The following NDFIP2 variants were observed in gnomAD, a reference collection of about 807,000 sequenced individuals.
The protein encoded by NDFIP2 is NEDD4 family-interacting protein 2.
NDFIP2 carries 19 observed loss-of-function variants against 36.0 expected under a neutral mutation model. The ratio of observed to expected loss-of-function variants is 0.53; its 90% CI spans 0.37 to 0.77. The LOEUF is 0.77. Ranked by LOEUF, NDFIP2 falls within the 30% of genes least tolerant of loss-of-function variation. NDFIP2 has a pLI of 0.00. For missense variants in NDFIP2, 446 were observed against 435.8 expected (o/e 1.02, Z -0.21); for synonymous variants, 181 against 167.7 (o/e 1.08, Z -0.61).
At chr13:79,528,288 A>G (rs1874877980) in intron 2 of NDFIP2, among the ~76,000 whole-genome samples, 1 of 152,126 alleles carries the variant, frequency 6.6e-6, no homozygotes, top group African/African-American at 2.4e-5. Flanking sequence ...TAAAAAATAG[A>G]AAAAAGATTG....
chr13:79,548,302 T>G, intron 5 of NDFIP2, 26 bp from the exon 6 acceptor site: 1 of 1,474,930 alleles, frequency 6.8e-7, no homozygotes, highest in Non-Finnish European at 9.4e-7. Context: ...ATGAATTCGG[T>G]TAATATATTT....
At chr13:79,503,198 T>C (rs1873732488) in intron 1 of NDFIP2, among the ~76,000 whole-genome samples, 1 of 152,160 alleles carries the variant, frequency 6.6e-6, no homozygotes, top group South Asian at 2.1e-4. Context: ...AAGTGGAGAC[T>C]GGTGGAATTG....
intron 5 of NDFIP2, 146 bp downstream of exon 5, chr13:79,543,828 G>A (rs1875552925): frequency 2.0e-6 from 2 of 991,920 alleles, no homozygotes; most frequent in Admixed American, 2.9e-5. Flanking sequence ...TCATTATAGT[G>A]AGCTCTGTGG....
chr13:79,540,129 A>G (rs560585303), intron 4 of NDFIP2, among the ~76,000 whole-genome samples: 1 of 152,200 alleles, frequency 6.6e-6, no homozygotes, highest in African/African-American at 2.4e-5. Context: ...AAATTGCACT[A>G]TTGGGGCAGA....
At chr13:79,533,256 A>G in intron 2 of NDFIP2, 67 bp from the exon 3 acceptor site, 1 of 1,480,672 alleles carries the variant, frequency 6.8e-7, no homozygotes, top group Non-Finnish European at 9.1e-7. Flanking sequence ...GTAAATTATT[A>G]AGTCATGGCT....
chr13:79,541,554 T>G (rs1352118859), intron 4 of NDFIP2, among the ~76,000 whole-genome samples: 1 of 152,024 alleles, frequency 6.6e-6, no homozygotes, highest in East Asian at 1.9e-4. Flanking sequence ...CTGTATTTCC[T>G]GATTTTTTTT....
At chr13:79,541,716 G>GA (rs1875464611) in intron 4 of NDFIP2, among the ~76,000 whole-genome samples, 2 of 151,998 alleles carry the variant, frequency 1.3e-5, no homozygotes, top group South Asian at 4.1e-4. Context: ...AAAAGGTCCA[G>GA]AAATAGATTT....
rs1043805159 is a variant in NDFIP2 at position 79,520,986 on chromosome 13, T to G, written c.487+11T>G. On this transcript the variant is annotated intron_variant, in intron 2 of 7. Transcript: ENST00000218652. ...TACCTACAACTTCAGGTATGAAACA[T>G]CTAGTAATGTTTTTATTAGTTCTTT... is the stretch of plus-strand genomic sequence containing the variant. 3.8e-6 allele frequency: 6 copies of G among 1,562,044 alleles called. No individual in the cohort carries two copies. Among genetic ancestry groups the G allele is most frequent in the Non-Finnish European group, 4.3e-6 (5 of 1,153,550 alleles).
At chr13:79,509,277 A>G (rs968648022) in intron 1 of NDFIP2, among the ~76,000 whole-genome samples, 1 of 152,092 alleles carries the variant, frequency 6.6e-6, no homozygotes, top group South Asian at 2.1e-4. Context: ...AGGTGGGACA[A>G]TGGGTAGGGG....
At chr13:79,519,691 T>G (rs990883103) in intron 1 of NDFIP2, among the ~76,000 whole-genome samples, 1 of 152,252 alleles carries the variant, frequency 6.6e-6, no homozygotes, top group African/African-American at 2.4e-5. Flanking sequence ...TCTCAACATT[T>G]TATTAGCATT....
At chr13:79,551,255 A>T in intron 7 of NDFIP2, 133 bp downstream of exon 7, 1 of 433,850 alleles carries the variant, frequency 2.3e-6, no homozygotes, top group Non-Finnish European at 4.1e-6. Flanking sequence ...TACTGCTAAC[A>T]GTCAGCTTAT....
intron 1 of NDFIP2, among the ~76,000 whole-genome samples, chr13:79,513,803 G>T (rs886098594): frequency 6.6e-6 from 1 of 151,576 alleles, no homozygotes; most frequent in Non-Finnish European, 1.5e-5. Flanking sequence ...AGTCATAATT[G>T]TAGGACAGAT....
In NDFIP2 at chr13:79,533,329, A is replaced by T. The variant is rs903316077; in HGVS notation, c.494A>T (p.Glu165Val). The change falls in exon 3 of 8, where the codon GAA becomes GTA. Residue 165 changes from glutamate (E) to valine (V), a missense_variant. Around this residue, in one of 2 missense-constraint regions of NDFIP2, gnomAD observed 369 missense variants for 304.8 expected, o/e 1.21. Transcript: ENST00000218652. ...TTTTGAATTCTTTCTTCAGATACAG[A>T]AGTTTACGGTGAGTTTTATCCCGTG... ...TVEVPTTSDT[E>V]VYGEFYPVPP... 8.8e-6 allele frequency: 14 copies of T among 1,596,770 alleles called. No individual in the cohort carries two copies. Among genetic ancestry groups the T allele is most frequent in the Non-Finnish European group, 1.0e-5 (12 of 1,174,502 alleles).
chr13:79,517,887 TG>T (rs1874414041), intron 1 of NDFIP2, among the ~76,000 whole-genome samples: 1 of 152,208 alleles, frequency 6.6e-6, no homozygotes, highest in African/African-American at 2.4e-5. Flanking sequence ...GGAAGAGTGC[TG>T]TTTTGCATAT....
intron 3 of NDFIP2, among the ~76,000 whole-genome samples, chr13:79,535,024 C>T (rs1875179442): frequency 6.6e-6 from 1 of 152,146 alleles, no homozygotes; most frequent in African/African-American, 2.4e-5. Flanking sequence ...TCTCTTAACA[C>T]AGTGGCATAA....
At chr13:79,506,690 GC>G (rs968254780) in intron 1 of NDFIP2, among the ~76,000 whole-genome samples, 8 of 152,006 alleles carry the variant, frequency 5.3e-5, no homozygotes, top group African/African-American at 1.9e-4. Flanking sequence ...AGCAGTCTAG[GC>G]ACCCAGATCT....
At chr13:79,549,733 C>G (rs1280375537) in intron 6 of NDFIP2, among the ~76,000 whole-genome samples, 1 of 151,590 alleles carries the variant, frequency 6.6e-6, no homozygotes, top group Non-Finnish European at 1.5e-5. Flanking sequence ...GGAAGGGATC[C>G]CACAAATAAG....
At chr13:79,509,690 T>TATATAGAGAGAG (rs113326163) in intron 1 of NDFIP2, among the ~76,000 whole-genome samples, 194 of 147,914 alleles carry the variant, frequency 1.3e-3, no homozygotes, top group African/African-American at 4.7e-3. Context: ...TATATATATA[T>TATATAGAGAGAG]AGAGAGAGAG....
At chr13:79,500,743 T>C (rs1391509349) in intron 1 of NDFIP2, among the ~76,000 whole-genome samples, 1 of 152,174 alleles carries the variant, frequency 6.6e-6, no homozygotes, top group Middle Eastern at 3.4e-3. Flanking sequence ...CATGGGAAGA[T>C]AGTTTGACAG....
Sources: allele counts gnomAD v4.1 joint callset (sites outside exome capture counted in the v4.1 genomes callset), GRCh38; gene constraint gnomAD v4.1.1; regional missense constraint gnomAD v4.1.1; transcripts MANE v1.5; gene names NCBI Gene and HGNC (gene_info 2026-07-23, HGNC 2026-07-21).